FMN1: variants seen among roughly 807,000 people sequenced by gnomAD.
FMN1 encodes formin 1.
Under a neutral mutation model 132.4 loss-of-function variants are expected in FMN1, and 110 were observed. The observed-to-expected ratio is 0.83, with a 90% CI of 0.71 to 0.97. The LOEUF is 0.97. Ranked by LOEUF, FMN1 falls within the 50% of genes least tolerant of loss-of-function variation. The pLI is 0.00. For missense variants in FMN1, 1,792 were observed against 1,705.3 expected (o/e 1.05, Z -0.90); for synonymous variants, 722 against 651.7 (o/e 1.11, Z -1.64).
At chr15:32,919,310 G>T (rs140437243) in intron 10 of FMN1, among the ~76,000 whole-genome samples, 89 of 152,298 alleles carry the variant, frequency 5.8e-4, no homozygotes, top group African/African-American at 2.1e-3. Flanking sequence ...CAGACACTTT[G>T]GTTGCTAGTA....
intron 17 of FMN1, among the ~76,000 whole-genome samples, chr15:32,810,322 A>T (rs969364079): frequency 6.6e-6 from 1 of 152,180 alleles, no homozygotes; most frequent in Non-Finnish European, 1.5e-5. Flanking sequence ...AGAAATTTCT[A>T]ATCTTCCATC....
At chr15:32,817,975 A>G (rs1012365735) in intron 17 of FMN1, among the ~76,000 whole-genome samples, 1 of 152,206 alleles carries the variant, frequency 6.6e-6, no homozygotes, top group African/African-American at 2.4e-5. Context: ...AAACCTTTGT[A>G]TTTTCCCCAG....
intron 4 of FMN1, among the ~76,000 whole-genome samples, chr15:33,114,829 C>A (rs752865448): frequency 6.6e-6 from 1 of 152,144 alleles, no homozygotes; most frequent in African/African-American, 2.4e-5. Flanking sequence ...AATTTAAGAT[C>A]TTTGACTTCT....
At chr15:32,903,684 G>A (rs2060351426) in intron 12 of FMN1, among the ~76,000 whole-genome samples, 1 of 152,176 alleles carries the variant, frequency 6.6e-6, no homozygotes, top group East Asian at 1.9e-4. Context: ...TAGATGAAAA[G>A]CAGAAAATGC....
chr15:33,106,322 C>T (rs1262219164), intron 4 of FMN1: 1 of 151,474 alleles, frequency 6.6e-6, no homozygotes, highest in African/African-American at 2.4e-5. Context: ...AGACACAAAA[C>T]GCTAAGCAAC....
At chr15:32,862,670 G>A (rs2059298298) in intron 16 of FMN1, among the ~76,000 whole-genome samples, 1 of 152,230 alleles carries the variant, frequency 6.6e-6, no homozygotes, top group Non-Finnish European at 1.5e-5. Flanking sequence ...AAATGTAGCA[G>A]TAAGACCCAG....
intron 6 of FMN1, among the ~76,000 whole-genome samples, chr15:33,039,807 T>C (rs1043653755): frequency 5.9e-5 from 9 of 152,210 alleles, no homozygotes; most frequent in East Asian, 3.8e-4. Flanking sequence ...TGAATGTATC[T>C]GTTCATAAGA....
At chr15:32,841,690 T>C (rs996268395) in intron 17 of FMN1, among the ~76,000 whole-genome samples, 2 of 152,224 alleles carry the variant, frequency 1.3e-5, no homozygotes, top group Non-Finnish European at 2.9e-5. Flanking sequence ...CTAGTATTTA[T>C]GAAGCTGTAT....
intron 9 of FMN1, among the ~76,000 whole-genome samples, chr15:32,960,283 A>G (rs556325769): frequency 6.6e-6 from 1 of 152,288 alleles, no homozygotes; most frequent in South Asian, 2.1e-4. Context: ...GGAACAACCA[A>G]ATCTCGTGAG....
At chr15:33,040,668 C>G (rs16963945) in intron 6 of FMN1, among the ~76,000 whole-genome samples, 39,349 of 152,094 alleles carry the variant, frequency 0.26, 5,463 homozygotes, top group Non-Finnish European at 0.31. Flanking sequence ...AAGATTACAC[C>G]ACCAGATAGA....
Position 32,972,846 on chromosome 15 carries a change from C to A in FMN1, c.2224-3369G>T, listed in dbSNP as rs537626229. 6.8e-4 allele frequency among the ~76,000 whole-genome samples: 103 copies of A among 152,284 alleles called. 2 individuals carry two copies. In the South Asian group the frequency reaches 0.021, roughly 31 times the overall value. On this transcript the variant is annotated intron_variant, in intron 7 of 20. Coordinates refer to ENST00000616417, the MANE Select transcript of FMN1 (RefSeq NM_001277313.2). Reference sequence around the variant, plus strand: ...AATATTTAACCAGCTGCCTCAGATCCAACAGGTTGGAAAGTGAACTCATTG... The same window carrying A: ...AATATTTAACCAGCTGCCTCAGATCAAACAGGTTGGAAAGTGAACTCATTG...
At chr15:33,087,650 A>T (rs1361781315) in intron 5 of FMN1, among the ~76,000 whole-genome samples, 2 of 152,226 alleles carry the variant, frequency 1.3e-5, no homozygotes, top group Non-Finnish European at 2.9e-5. Flanking sequence ...ACTACTGGGT[A>T]TCTACCCAGA....
intron 5 of FMN1, among the ~76,000 whole-genome samples, chr15:33,071,033 C>T (rs543752579): frequency 6.6e-6 from 1 of 152,128 alleles, no homozygotes; most frequent in Non-Finnish European, 1.5e-5. Flanking sequence ...ACTTCCTTCC[C>T]GAATAGAAGA....
intron 7 of FMN1, among the ~76,000 whole-genome samples, chr15:32,996,877 AT>A (rs1031256482): frequency 6.6e-6 from 1 of 152,182 alleles, no homozygotes; most frequent in Non-Finnish European, 1.5e-5. Context: ...GAATCACCCC[AT>A]AGGCCTGTTA....
intron 12 of FMN1, among the ~76,000 whole-genome samples, chr15:32,903,230 GT>G (rs2060339782): frequency 6.6e-6 from 1 of 152,050 alleles, no homozygotes; most frequent in Non-Finnish European, 1.5e-5. Flanking sequence ...ACACAATCTT[GT>G]TTTAAAGTTC....
At chr15:32,901,152 C>T (rs1596227635) in intron 13 of FMN1, among the ~76,000 whole-genome samples, 2 of 150,688 alleles carry the variant, frequency 1.3e-5, no homozygotes, top group Admixed American at 1.3e-4. Context: ...GAGACTCCGT[C>T]TCAAAAAAAA....
At chr15:32,776,632 T>C (rs1054938606) in intron 20 of FMN1, among the ~76,000 whole-genome samples, 2 of 152,070 alleles carry the variant, frequency 1.3e-5, no homozygotes, top group East Asian at 3.9e-4. Flanking sequence ...ATGACCTATG[T>C]TGAGTTTACA....
At chr15:33,068,054 C>A in intron 5 of FMN1, 2 of 1,427,414 alleles carry the variant, frequency 1.4e-6, no homozygotes, top group East Asian at 5.0e-5. Flanking sequence ...TCACAGTGCC[C>A]TCCTTCCGGT....
At chr15:32,842,900 C>T (rs2058776360) in intron 17 of FMN1, among the ~76,000 whole-genome samples, 2 of 150,498 alleles carry the variant, frequency 1.3e-5, no homozygotes, top group African/African-American at 2.4e-5. Flanking sequence ...CCAAGGCGGG[C>T]AGATCACCTG....
Sources: allele counts gnomAD v4.1 joint callset (sites outside exome capture counted in the v4.1 genomes callset), GRCh38; gene constraint gnomAD v4.1.1; transcripts MANE v1.5; gene names NCBI Gene and HGNC (gene_info 2026-07-23, HGNC 2026-07-21).